SGO1: variants seen among roughly 807,000 people sequenced by gnomAD.
SGO1 encodes the protein serologically defined breast cancer antigen NY-BR-85.
A neutral mutation model predicts 50.5 loss-of-function variants in SGO1; 39 were observed. The observed-to-expected ratio is 0.77, with a 90% CI of 0.60 to 1.01. The LOEUF (loss-of-function observed/expected upper bound fraction) is 1.01, where lower values mean the gene tolerates loss of function less well. Among genes scored for constraint, SGO1 ranks in the 50% least tolerant of loss-of-function variants. The pLI is 0.00. For synonymous variants in SGO1, 191 were observed against 205.1 expected (o/e 0.93, Z 0.59); for missense variants, 638 against 606.0 (o/e 1.05, Z -0.55).
chr3:20,172,186 A>G (rs2125277262), intron 6 of SGO1, among the ~76,000 whole-genome samples: 1 of 152,324 alleles, frequency 6.6e-6, no homozygotes, highest in East Asian at 1.9e-4. Flanking sequence ...TCAAACTTTA[A>G]TGTGTATATG....
chr3:20,170,337 G>A lies in SGO1; in HGVS notation c.*367C>T, dbSNP rs532547710. 1.4e-6 allele frequency: 1 copy of A among 720,614 alleles called. No homozygotes were observed. The highest frequency in any genetic ancestry group is 6.3e-5 in the Admixed American group (1 of 15,920). The allele number at this position is 720,614 out of a possible 1,614,324, so 44.6% of individuals were successfully genotyped here. A position where few individuals can be genotyped will look rare whatever the true frequency, so the allele number is the denominator to read the frequency against. On this transcript the variant is annotated 3_prime_UTR_variant, in exon 8 of 8. Transcript: ENST00000412997. ...CGCTTGAACCTGGGAGGCGGAGGTT[G>A]CGGTAAGCTGAGATCGTGCCATTGC... is the stretch of plus-strand genomic sequence containing the variant.
chr3:20,168,821 G>A (rs920376464), downstream of SGO1: 23 of 376,196 alleles, frequency 6.1e-5, no homozygotes, highest in Non-Finnish European at 6.9e-5. Flanking sequence ...TAGTAGAGAC[G>A]GGGTTTCACC....
At chr3:20,176,216 A>G (rs1308702888) in intron 5 of SGO1, among the ~76,000 whole-genome samples, 1 of 152,206 alleles carries the variant, frequency 6.6e-6, no homozygotes, top group Non-Finnish European at 1.5e-5. Context: ...GCTAGCTGTT[A>G]ACATCTAGAC....
chr3:20,183,608 C>A lies in SGO1; in HGVS notation c.339G>T (p.Gln113His). 1 of 1,567,372 alleles carries A rather than the reference C, an allele frequency of 6.4e-7. No homozygotes were observed. The highest frequency in any genetic ancestry group is 8.6e-7 in the Non-Finnish European group (1 of 1,162,740). The change falls in exon 3 of 8, where the codon CAG (glutamine) becomes CAT (histidine). Residue 113 changes from glutamine (Q) to histidine (H), a missense_variant and splice_region_variant. Coordinates refer to ENST00000412997, the MANE Select transcript of SGO1 (RefSeq NM_001199251.3). ...AATTCGGCCTTAGTAATGAAAATAC[C>A]TGAGCAGGTTCTACTGTTTGTTGTG... ...LTSQQTVEPA[Q>H]NQEICSSGMD...
Position 20,174,788 on chromosome 3 carries a change from C to T in SGO1, c.743G>A (p.Trp248Ter). ...TGATAAGTTAACTTGGTCCTTGCTC[C>T]ATTGACAAGCATTGTGTTGTACATT... ...PENVQHNACQ[W>*]SKDQVNLSPK... Residue 248 changes from tryptophan (W) to a stop codon, truncating the protein, a stop_gained, in exon 6 of 8, where the codon TGG becomes TAG. Transcript: ENST00000412997. LOFTEE classifies it high-confidence loss of function. 6.2e-7 allele frequency: 1 copy of T among 1,614,062 alleles called. No individual in the cohort carries two copies. Among genetic ancestry groups the T allele is most frequent in the South Asian group, 1.1e-5 (1 of 91,078 alleles).
chr3:20,174,982 A>T lies in SGO1; in HGVS notation c.549T>A (p.Asn183Lys). The part of the protein sequence containing the change: ...FDSGEAKSTD[N>K]VLPRTVSVRS... ...GAACAGATACAGTTCTAGGTAAGAC[A>T]TTATCAGTAGACTTAGCTTCACCTG... Residue 183 changes from asparagine to lysine, a missense_variant, in exon 6 of 8, where the codon AAT becomes AAA. Coordinates refer to ENST00000412997, the MANE Select transcript of SGO1 (RefSeq NM_001199251.3). The T allele has an allele frequency of 6.2e-7, 1 of 1,609,544 alleles. No homozygotes were observed. Among genetic ancestry groups the T allele is most frequent in the Non-Finnish European group, 8.5e-7 (1 of 1,177,490 alleles).
chr3:20,171,487 C>T (rs942320498), intron 6 of SGO1, among the ~76,000 whole-genome samples: 4 of 152,144 alleles, frequency 2.6e-5, no homozygotes, highest in Admixed American at 2.6e-4. Flanking sequence ...TACAGGTATG[C>T]ACCACCATGC....
rs559450956 is a variant in SGO1 at position 20,177,597 on chromosome 3, C to T, written c.416+674G>A. On this transcript the variant is annotated intron_variant, in intron 4 of 7. Transcript: ENST00000412997. ...CTATGGATGCTGCTAAACATCCCATCATGCACAGACAGCTCTCTACAACAA... is the reference window on the plus strand; with the variant it reads ...CTATGGATGCTGCTAAACATCCCATTATGCACAGACAGCTCTCTACAACAA... Among the ~76,000 whole-genome samples the T allele has an allele frequency of 2.0e-3, 312 of 152,198 alleles. 4 individuals are homozygous for T. Among genetic ancestry groups the T allele is most frequent in the Non-Finnish European group, 1.1e-3 (78 of 68,038 alleles).
At chr3:20,161,108 C>G in exon 9 of SGO1, 1 of 1,613,866 alleles carries the variant, frequency 6.2e-7, no homozygotes, top group South Asian at 1.1e-5. Context: ...GTGGACTTTA[C>G]CTCAAGCAGA....
chr3:20,178,295 C>A lies in SGO1; in HGVS notation c.392G>T (p.Arg131Ile). The change falls in exon 4 of 8, where the codon AGA (arginine) becomes ATA (isoleucine). Residue 131 changes from arginine (R) to isoleucine (I), a missense_variant. Coordinates refer to ENST00000412997, the MANE Select transcript of SGO1 (RefSeq NM_001199251.3). ...GMDPNSDDSS[R>I]NLFVKDLPQI... Reference sequence around the variant, plus strand: ...CGGTAAATCCTTCACAAATAAATTTCTGGAGCTGTCATCACTATTGGGGTC... The same window carrying A: ...CGGTAAATCCTTCACAAATAAATTTATGGAGCTGTCATCACTATTGGGGTC... 6.2e-7 allele frequency: 1 copy of A among 1,612,640 alleles called. No individual in the cohort carries two copies. Among genetic ancestry groups the A allele is most frequent in the South Asian group, 1.1e-5 (1 of 91,010 alleles).
Position 20,184,545 on chromosome 3 carries a change from A to G in SGO1, c.-7-511T>C, listed in dbSNP as rs956835106. 6.6e-5 allele frequency among the ~76,000 whole-genome samples: 10 copies of G among 152,164 alleles called. No homozygotes were observed. The South Asian group carries it at 1.0e-3, about 16-fold the overall frequency. ...TATTTTTCCATACTCTTTAAACGCA[A>G]TTATCACTTATGATATGCACACAGT... On this transcript the variant is annotated intron_variant, in intron 1 of 7. Transcript: ENST00000412997.
chr3:20,165,980 G>A (rs145171613), downstream of SGO1, among the ~76,000 whole-genome samples: 6,538 of 152,270 alleles, frequency 0.043, 173 homozygotes, highest in Non-Finnish European at 0.059. Flanking sequence ...TGGAACCCAG[G>A]AGGTGGAGGT....
At chr3:20,173,448 A>G (rs187400950) in intron 6 of SGO1, among the ~76,000 whole-genome samples, 47 of 152,184 alleles carry the variant, frequency 3.1e-4, no homozygotes, top group Middle Eastern at 3.4e-3. Context: ...CTTACAGCAT[A>G]TTTTTAAAAA....
upstream of SGO1, chr3:20,186,270 C>A (rs1254723614): frequency 2.0e-5 from 3 of 152,256 alleles, no homozygotes; most frequent in Non-Finnish European, 4.4e-5. Flanking sequence ...CAGGATGCAC[C>A]CAACACCACC....
chr3:20,167,940 A>C (rs1458253715), downstream of SGO1, among the ~76,000 whole-genome samples: 1 of 152,194 alleles, frequency 6.6e-6, no homozygotes, highest in Non-Finnish European at 1.5e-5. Flanking sequence ...CAAAAGAAGA[A>C]ATGAATAAGT....
downstream of SGO1, among the ~76,000 whole-genome samples, chr3:20,167,003 A>G (rs151210701): frequency 1.1e-3 from 166 of 152,108 alleles, no homozygotes; most frequent in African/African-American, 3.5e-3. Flanking sequence ...GAGAATAAAA[A>G]AACAAAAATA....
chr3:20,175,632 T>TAA (rs55831438), intron 5 of SGO1, among the ~76,000 whole-genome samples: 91,183 of 150,146 alleles, frequency 0.61, 29,973 homozygotes, highest in East Asian at 0.95. Flanking sequence ...CCGTCTCTAC[T>TAA]AAAAAAAATA....
rs369259694 is a variant in SGO1 at position 20,174,210 on chromosome 3, C to T, written c.1282+39G>A. 1.3e-3 allele frequency: 1,855 copies of T among 1,482,798 alleles called. 3 individuals are homozygous for T. The highest frequency in any genetic ancestry group is 1.6e-3 in the Non-Finnish European group (1,735 of 1,066,574). The allele number at this position is 1,482,798 out of a possible 1,614,324, so 91.9% of individuals were successfully genotyped here. A position where few individuals can be genotyped will look rare whatever the true frequency, so the allele number is the denominator to read the frequency against. On this transcript the variant is annotated intron_variant, in intron 6 of 7. Coordinates refer to ENST00000412997, the MANE Select transcript of SGO1 (RefSeq NM_001199251.3). ...AAGCATCAGGAGTGATCATTTATCA[C>T]GAACATTAAAAATACAGGTAAACAA...
At chr3:20,183,847 TTAAAAGTGATA>T (rs748492959) in intron 2 of SGO1, 28 bp downstream of exon 2, 1 of 1,606,410 alleles carries the variant, frequency 6.2e-7, no homozygotes, top group Non-Finnish European at 8.5e-7. Flanking sequence ...AAATCTAAAC[TTAAAAGTGATA>T]TAAAAGGACA....
Sources: gnomAD v4.1 joint callset for allele counts (sites outside exome capture counted in the v4.1 genomes callset) on GRCh38, gnomAD v4.1.1 for gene constraint, MANE v1.5 for transcripts, NCBI Gene and HGNC (gene_info 2026-07-23, HGNC 2026-07-21) for gene names.